The following PLCE1 variants were observed in gnomAD, a reference collection of about 807,000 sequenced individuals.
The protein encoded by PLCE1 is 1-phosphatidylinositol 4,5-bisphosphate phosphodiesterase epsilon-1.
PLCE1 carries 119 observed loss-of-function variants against 242.8 expected under a neutral mutation model. The observed-to-expected ratio is 0.49, with a 90% CI of 0.42 to 0.57. PLCE1 has a LOEUF of 0.57. Among genes scored for constraint, PLCE1 ranks in the 20% least tolerant of loss-of-function variants. The probability of loss-of-function intolerance (pLI) is 0.00; values close to 1 mark genes in which losing one functional copy is unlikely to be tolerated. For synonymous variants in PLCE1, 945 were observed against 1,017.4 expected, an observed-to-expected ratio of 0.93 and a Z score of 1.35; for missense variants, 2,441 against 2,788.8, an observed-to-expected ratio of 0.88 and a Z score of 2.81.
chr10:94,201,342 T>C (rs1376554187), intron 4 of PLCE1, among the ~76,000 whole-genome samples: 4 of 152,092 alleles, frequency 2.6e-5, no homozygotes, highest in Admixed American at 6.5e-5. Context: ...AAGATAGAAA[T>C]AGAAGTGAGG....
chr10:94,227,536 C>T lies in PLCE1; in HGVS notation c.1955+85C>T. ...ACTGAATTAATTGTCCAGGGACTCA[C>T]CTTTACCCAAGCCAGGTAACTGGAA... On this transcript the variant is annotated intron_variant, in intron 5 of 32. Transcript: ENST00000371380. 3.2e-6 allele frequency: 4 copies of T among 1,260,160 alleles called. No homozygotes were observed. In the South Asian group the frequency reaches 4.8e-5, roughly 15 times the overall value. The allele number at this position is 1,260,160 out of a possible 1,614,324, so 78.1% of individuals were successfully genotyped here.
intron 30 of PLCE1, 135 bp from the exon 31 acceptor site, chr10:94,324,214 G>A: frequency 2.6e-6 from 2 of 776,606 alleles, no homozygotes; most frequent in South Asian, 2.9e-5. Flanking sequence ...TGCAAAATGA[G>A]TTGGATGAAA....
intron 4 of PLCE1, among the ~76,000 whole-genome samples, chr10:94,216,466 A>T (rs1303736541): frequency 6.6e-6 from 1 of 152,074 alleles, no homozygotes; most frequent in Non-Finnish European, 1.5e-5. Flanking sequence ...ACAAGTATAT[A>T]TTTGTTGAAG....
At chr10:94,319,374 G>A (rs566221164) in intron 29 of PLCE1, among the ~76,000 whole-genome samples, 102 of 152,304 alleles carry the variant, frequency 6.7e-4, no homozygotes, top group Non-Finnish European at 1.2e-3. Flanking sequence ...TACTAGAGGA[G>A]ACAGATTTGG....
intron 4 of PLCE1, among the ~76,000 whole-genome samples, chr10:94,215,153 G>T (rs1200160890): frequency 1.3e-5 from 2 of 152,192 alleles, no homozygotes; most frequent in Non-Finnish European, 2.9e-5. Flanking sequence ...CTTGGGTGAA[G>T]ATCAAGCAGG....
chr10:94,163,703 T>A (rs1286055004), intron 3 of PLCE1, among the ~76,000 whole-genome samples: 3 of 152,172 alleles, frequency 2.0e-5, no homozygotes, highest in Non-Finnish European at 2.9e-5. Context: ...GTCATTATGA[T>A]GTTAGCTGGT....
Position 94,316,783 on chromosome 10 carries a change from C to G in PLCE1, c.6342+27C>G, listed in dbSNP as rs560346742. On this transcript the variant is annotated intron_variant, in intron 29 of 32. Transcript: ENST00000371380. Reference sequence around the variant, plus strand: ...TAAGTGTGTCTGGGTGCAGCCTACACAGTAACGACTCATTATGTGATTAGC... The same window carrying G: ...TAAGTGTGTCTGGGTGCAGCCTACAGAGTAACGACTCATTATGTGATTAGC... 4.6e-6 allele frequency: 7 copies of G among 1,508,870 alleles called. No homozygotes were observed. In the East Asian group the frequency reaches 1.3e-4, roughly 29 times the overall value. 93.5% of individuals were successfully genotyped at this position (1,508,870 alleles called of 1,614,324 possible). A position where few individuals can be genotyped will look rare whatever the true frequency, so the allele number is the denominator to read the frequency against.
At chr10:94,224,123 G>T (rs112537791) in intron 4 of PLCE1, among the ~76,000 whole-genome samples, 1 of 151,682 alleles carries the variant, frequency 6.6e-6, no homozygotes, top group Non-Finnish European at 1.5e-5. Context: ...TGTGTGTGTG[G>T]TGTGTCTGTG....
At chr10:94,274,292 G>A (rs2051863843) in intron 19 of PLCE1, among the ~76,000 whole-genome samples, 1 of 152,172 alleles carries the variant, frequency 6.6e-6, no homozygotes. Flanking sequence ...TTATCCCACA[G>A]GATGACAGCT....
At chr10:94,078,817 C>T (rs145637186) in intron 2 of PLCE1, among the ~76,000 whole-genome samples, 2 of 152,336 alleles carry the variant, frequency 1.3e-5, no homozygotes, top group Admixed American at 6.5e-5. Flanking sequence ...ATAGCTACAA[C>T]ATTTTGCATG....
intron 3 of PLCE1, among the ~76,000 whole-genome samples, chr10:94,157,617 C>T (rs1273086444): frequency 6.6e-6 from 1 of 152,164 alleles, no homozygotes; most frequent in Admixed American, 6.5e-5. Context: ...TTCTGGTCCA[C>T]CTTTGCCACT....
chr10:94,214,891 T>C (rs1014936205), intron 4 of PLCE1, among the ~76,000 whole-genome samples: 1 of 152,192 alleles, frequency 6.6e-6, no homozygotes, highest in African/African-American at 2.4e-5. Context: ...TCCTAAGTAG[T>C]GTGGCCTGTG....
chr10:94,262,522 G>C lies in PLCE1; in HGVS notation c.3843G>C (p.Leu1281Phe). ...TGTTGACCAGAAATGTCTCGGATTTGGGGTTGTTCATTAAGAGTAAACAGC... is the reference window on the plus strand; with the variant it reads ...TGTTGACCAGAAATGTCTCGGATTTCGGGTTGTTCATTAAGAGTAAACAGC... ...LDLLTRNVSD[L>F]GLFIKSKQQL... Residue 1281 changes from leucine (L) to phenylalanine (F), a missense_variant, in exon 14 of 33, where the codon TTG (leucine) becomes TTC (phenylalanine). Physicochemically the swap from Leu to Phe is conservative, Grantham distance 22. This residue lies in a region of PLCE1 where 1,004 missense variants were observed against 1,322.7 expected (regional missense o/e 0.76). Coordinates refer to ENST00000371380, the MANE Select transcript of PLCE1 (RefSeq NM_016341.4). The C allele has an allele frequency of 6.2e-7, 1 of 1,613,262 alleles. No individual in the cohort carries two copies. Among genetic ancestry groups the C allele is most frequent in the African/African-American group, 1.3e-5 (1 of 75,018 alleles).
At chr10:94,110,771 CAG>C (rs1335058415) in intron 2 of PLCE1, among the ~76,000 whole-genome samples, 2 of 152,146 alleles carry the variant, frequency 1.3e-5, no homozygotes, top group Admixed American at 6.5e-5. Flanking sequence ...TTACTGAAAA[CAG>C]AAGCATCATC....
At chr10:94,012,413 T>G (rs1564623752) in intron 1 of PLCE1, among the ~76,000 whole-genome samples, 2 of 151,658 alleles carry the variant, frequency 1.3e-5, no homozygotes, top group Non-Finnish European at 2.9e-5. Flanking sequence ...GACTTCCCTG[T>G]GCTGCAAACA....
At chr10:94,081,156 A>G (rs898785754) in intron 2 of PLCE1, among the ~76,000 whole-genome samples, 3 of 152,110 alleles carry the variant, frequency 2.0e-5, no homozygotes, top group African/African-American at 4.8e-5. Context: ...TATGAATTAC[A>G]TGTTTATATC....
At chr10:94,099,513 T>C (rs1006618185) in intron 2 of PLCE1, 2 of 152,240 alleles carry the variant, frequency 1.3e-5, no homozygotes, top group Non-Finnish European at 2.9e-5. Context: ...TGCCAAGATA[T>C]ATTATTTCTC....
At chr10:94,085,156 G>T (rs1484154827) in intron 2 of PLCE1, among the ~76,000 whole-genome samples, 1 of 152,070 alleles carries the variant, frequency 6.6e-6, no homozygotes, top group Non-Finnish European at 1.5e-5. Context: ...TGTGTTTGGG[G>T]GTACTATTAT....
intron 2 of PLCE1, among the ~76,000 whole-genome samples, chr10:94,050,214 C>T (rs2043725389): frequency 6.6e-6 from 1 of 152,140 alleles, no homozygotes; most frequent in African/African-American, 2.4e-5. Context: ...GTTTAATTGA[C>T]TCACAGTTCC....
Sources: gnomAD v4.1 joint callset for allele counts (sites outside exome capture counted in the v4.1 genomes callset) on GRCh38, gnomAD v4.1.1 for gene constraint, gnomAD v4.1.1 regional missense constraint, MANE v1.5 for transcripts, NCBI Gene and HGNC (gene_info 2026-07-23, HGNC 2026-07-21) for gene names.